The following ZFHX3 variants were observed in gnomAD, a reference collection of about 807,000 sequenced individuals.
ZFHX3 encodes zinc finger homeobox 3, also known as zinc finger homeobox protein 3.
ZFHX3 carries 42 observed loss-of-function variants against 279.1 expected under a neutral mutation model. That is an observed-to-expected ratio of 0.15 (90% CI 0.12 to 0.19). The LOEUF is 0.19. ZFHX3 is among the 10% of genes least tolerant of loss of function. The pLI is 1.00. For missense variants in ZFHX3, 4,981 were observed against 4,754.0 expected (o/e 1.05, Z -1.40); for synonymous variants, 2,293 against 1,957.8 (o/e 1.17, Z -4.52).
At chr16:73,239,605 C>A (rs556882967) in intron 5 of ZFHX3, among the ~76,000 whole-genome samples, 1 of 152,274 alleles carries the variant, frequency 6.6e-6, no homozygotes, top group African/African-American at 2.4e-5. Context: ...GATTCTTCGC[C>A]TATCTTCCAG....
chr16:73,137,886 G>T (rs1199841299), intron 6 of ZFHX3, among the ~76,000 whole-genome samples: 1 of 152,056 alleles, frequency 6.6e-6, no homozygotes. Context: ...GTATTTGCTA[G>T]ATTTGGGGTA....
chr16:73,239,909 G>C (rs1355643074), intron 5 of ZFHX3, among the ~76,000 whole-genome samples: 1 of 152,110 alleles, frequency 6.6e-6, no homozygotes, highest in Non-Finnish European at 1.5e-5. Context: ...TCGCTCCTAG[G>C]GGAAATAGAG....
intron 1 of ZFHX3, among the ~76,000 whole-genome samples, chr16:73,845,666 A>G (rs1196028937): frequency 6.6e-6 from 1 of 152,174 alleles, no homozygotes; most frequent in Non-Finnish European, 1.5e-5. Context: ...TGGCTCCGTC[A>G]GGATTTTTCC....
intron 1 of ZFHX3, among the ~76,000 whole-genome samples, chr16:73,023,966 A>AGC (rs1394408846): frequency 6.6e-6 from 1 of 152,096 alleles, no homozygotes; most frequent in African/African-American, 2.4e-5. Context: ...GCTTCTTTTG[A>AGC]GCGCTCTGTC....
intron 8 of ZFHX3, chr16:73,092,594 GTACGTTCCAT>G (rs1966097579): frequency 4.2e-6 from 1 of 239,596 alleles, no homozygotes; most frequent in African/African-American, 2.3e-5. Flanking sequence ...AACTGTTCCA[GTACGTTCCAT>G]CAAATAGACG....
chr16:73,277,227 T>C (rs1299224346), intron 4 of ZFHX3, among the ~76,000 whole-genome samples: 1 of 152,218 alleles, frequency 6.6e-6, no homozygotes, highest in Non-Finnish European at 1.5e-5. Flanking sequence ...ATCTCAGGGC[T>C]GACAAACTGC....
intron 1 of ZFHX3, among the ~76,000 whole-genome samples, chr16:73,823,826 C>G (rs1960820239): frequency 6.6e-6 from 1 of 152,198 alleles, no homozygotes; most frequent in South Asian, 2.1e-4. Context: ...CTGCCTCTCA[C>G]ACCTGCAAGA....
Position 72,796,088 on chromosome 16 carries a change from G to A in ZFHX3, c.6594C>T (p.Phe2198=), listed in dbSNP as rs2035890283. Residue 2198 remains phenylalanine (F), a synonymous_variant, in exon 9 of 10, where the codon TTC becomes TTT. Transcript: ENST00000268489. ...AGTCCTTGTTACGCTGCCTCTCTTT[G>A]AAGAGAGTGTTCCTGAACCAGTGCT... ...VIKHWFRNTL[F]KERQRNKDSP... is the part of the protein sequence containing the mutation. 3.7e-6 allele frequency: 6 copies of A among 1,614,186 alleles called. No individual in the cohort carries two copies. The highest frequency in any genetic ancestry group is 4.2e-6 in the Non-Finnish European group (5 of 1,180,040).
intron 2 of ZFHX3, among the ~76,000 whole-genome samples, chr16:73,589,566 C>A (rs1015615972): frequency 1.3e-5 from 2 of 149,976 alleles, no homozygotes; most frequent in Non-Finnish European, 3.0e-5. Context: ...CCCGTCTCTA[C>A]TAAAAACACA....
intron 7 of ZFHX3, 137 bp downstream of exon 7, chr16:72,811,440 A>G: frequency 2.1e-6 from 2 of 971,696 alleles, no homozygotes; most frequent in South Asian, 3.6e-5. Context: ...AACAAAGGTC[A>G]CAGAACAAGG....
intron 1 of ZFHX3, among the ~76,000 whole-genome samples, chr16:72,995,055 T>C (rs1393480542): frequency 6.6e-6 from 1 of 152,206 alleles, no homozygotes; most frequent in Non-Finnish European, 1.5e-5. Context: ...TTTAGTCCAA[T>C]GCTGCACTCC....
intron 2 of ZFHX3, among the ~76,000 whole-genome samples, chr16:73,606,226 A>G (rs1597024287): frequency 1.5e-5 from 2 of 134,672 alleles, no homozygotes; most frequent in East Asian, 2.3e-4. Flanking sequence ...AATCCATGCT[A>G]GGCTGGCGTG....
At chr16:73,101,441 C>G (rs1227097198) in intron 7 of ZFHX3, among the ~76,000 whole-genome samples, 1 of 152,168 alleles carries the variant, frequency 6.6e-6, no homozygotes, top group South Asian at 2.1e-4. Context: ...TGCAATGGCA[C>G]GATCTTGGCT....
chr16:73,500,851 GAAGA>G (rs1476408462), intron 2 of ZFHX3, among the ~76,000 whole-genome samples: 5 of 152,214 alleles, frequency 3.3e-5, no homozygotes, highest in Middle Eastern at 3.4e-3. Flanking sequence ...ATATATTATT[GAAGA>G]AAGAATACTG....
chr16:73,460,286 C>T (rs2018451124), intron 2 of ZFHX3, among the ~76,000 whole-genome samples: 1 of 152,116 alleles, frequency 6.6e-6, no homozygotes, highest in Non-Finnish European at 1.5e-5. Context: ...AAGTGGTCGC[C>T]TGTATCAATT....
At chr16:73,649,561 T>A (rs2052651697) in intron 2 of ZFHX3, among the ~76,000 whole-genome samples, 1 of 152,240 alleles carries the variant, frequency 6.6e-6, no homozygotes, top group Non-Finnish European at 1.5e-5. Flanking sequence ...TGATTTTCTA[T>A]AATGAATATG....
chr16:73,180,706 A>T (rs1246906027), intron 5 of ZFHX3, among the ~76,000 whole-genome samples: 1 of 151,586 alleles, frequency 6.6e-6, no homozygotes, highest in Admixed American at 6.6e-5. Flanking sequence ...TCTATAGCCC[A>T]GGCTGGAGTG....
intron 2 of ZFHX3, among the ~76,000 whole-genome samples, chr16:73,676,646 C>T (rs1368604496): frequency 2.6e-5 from 4 of 151,888 alleles, no homozygotes; most frequent in Admixed American, 2.6e-4. Flanking sequence ...ACGTAAATGG[C>T]TTAAATTTCC....
intron 4 of ZFHX3, among the ~76,000 whole-genome samples, chr16:73,297,805 T>C (rs1253350963): frequency 6.6e-6 from 1 of 151,986 alleles, no homozygotes; most frequent in Non-Finnish European, 1.5e-5. Flanking sequence ...GTCTGTGCGA[T>C]AATAACCTTA....
Sources: gnomAD v4.1 joint callset for allele counts (sites outside exome capture counted in the v4.1 genomes callset) on GRCh38, gnomAD v4.1.1 for gene constraint, MANE v1.5 for transcripts, NCBI Gene and HGNC (gene_info 2026-07-23, HGNC 2026-07-21) for gene names.